The following ITGA1 variants were observed in gnomAD, a reference collection of about 807,000 sequenced individuals.
The protein encoded by ITGA1 is integrin subunit alpha 1, also known as integrin alpha-1.
In ITGA1, 85 loss-of-function variants were observed where a neutral mutation model predicts 145.9. The observed-to-expected ratio is 0.58, with a 90% CI of 0.49 to 0.70. The LOEUF is 0.70. Ranked by LOEUF, ITGA1 falls within the 30% of genes least tolerant of loss-of-function variation. The pLI is 0.00. For missense variants in ITGA1, 1,351 were observed against 1,418.7 expected, an observed-to-expected ratio of 0.95 and a Z score of 0.77; for synonymous variants, 520 against 495.3, an observed-to-expected ratio of 1.05 and a Z score of -0.66.
chr5:52,865,045 C>T lies in ITGA1; in HGVS notation c.459C>T (p.Pro153=), dbSNP rs1319325109. ...YTTGICSDVS[P]TFQVVNSIAP... ...CTGGAATCTGTTCTGACGTCAGCCC[C>T]ACATTTCAAGTCGTGAATTCCATTG... Residue 153 remains proline, a synonymous_variant, in exon 5 of 29, where the codon CCC becomes CCT. Transcript: ENST00000282588. The T allele has an allele frequency of 6.2e-7, 1 of 1,613,798 alleles. No individual in the cohort carries two copies. The highest frequency in any genetic ancestry group is 1.1e-5 in the South Asian group (1 of 91,060).
chr5:52,912,681 AGT>A (rs1388684758), intron 14 of ITGA1, among the ~76,000 whole-genome samples: 1 of 145,192 alleles, frequency 6.9e-6, no homozygotes, highest in Non-Finnish European at 1.5e-5. Flanking sequence ...AACTATATAT[AGT>A]GTGTGTATAT....
intron 7 of ITGA1, among the ~76,000 whole-genome samples, chr5:52,886,822 A>G (rs1271587357): frequency 3.3e-5 from 5 of 152,178 alleles, no homozygotes; most frequent in Admixed American, 6.5e-5. Flanking sequence ...TCTGTCGCCC[A>G]GGCTGGAATG....
At chr5:52,839,284 A>ATC (rs1491552940) in intron 1 of ITGA1, among the ~76,000 whole-genome samples, 1 of 152,212 alleles carries the variant, frequency 6.6e-6, no homozygotes, top group Non-Finnish European at 1.5e-5. Context: ...AATTTCAATA[A>ATC]TCTAAATAAA....
intron 1 of ITGA1, among the ~76,000 whole-genome samples, chr5:52,820,453 C>T (rs1561218068): frequency 6.7e-6 from 1 of 148,712 alleles, no homozygotes; most frequent in Non-Finnish European, 1.5e-5. Context: ...AGCACACCAA[C>T]ATGGCACATG....
intron 13 of ITGA1, among the ~76,000 whole-genome samples, chr5:52,909,737 T>G (rs554222016): frequency 6.6e-6 from 1 of 152,118 alleles, no homozygotes; most frequent in African/African-American, 2.4e-5. Context: ...AAGTGTATTC[T>G]TGATTACCTT....
At chr5:52,943,622 G>A (rs1414271158) in intron 26 of ITGA1, among the ~76,000 whole-genome samples, 4 of 152,070 alleles carry the variant, frequency 2.6e-5, no homozygotes, top group African/African-American at 9.7e-5. Context: ...AGGTGTTCTG[G>A]GCCACAGGCT....
At chr5:52,886,503 T>C (rs1193018182) in intron 7 of ITGA1, among the ~76,000 whole-genome samples, 3 of 152,178 alleles carry the variant, frequency 2.0e-5, no homozygotes, top group African/African-American at 7.2e-5. Context: ...CAACCAAATA[T>C]CTAAATGGAC....
Position 52,939,933 on chromosome 5 carries a change from AC to A in ITGA1, c.3275del (p.Thr1092IlefsTer3). 1 of 1,575,232 alleles carries A rather than the reference AC, an allele frequency of 6.3e-7. No individual in the cohort carries two copies. The highest frequency in any genetic ancestry group is 8.7e-7 in the Non-Finnish European group (1 of 1,144,692). Reference sequence around the variant, plus strand: ...TGTTTCGCTTATCTTGTGGAAACCAACTTTTATAAAAGTAAGTAAATACATA... The same window carrying A: ...TGTTTCGCTTATCTTGTGGAAACCAATTTTATAAAAGTAAGTAAATACATA... ...VNVSLILWKP[T>X]FIKSYFSSLN... On this transcript the variant is annotated frameshift_variant, in exon 26 of 29. Transcript: ENST00000282588. LOFTEE classifies it high-confidence loss of function.
At chr5:52,951,402 A>C (rs1751216782) in intron 28 of ITGA1, among the ~76,000 whole-genome samples, 1 of 152,038 alleles carries the variant, frequency 6.6e-6, no homozygotes, top group South Asian at 2.1e-4. Context: ...CCCCATACTT[A>C]GTTTTGTTAT....
rs1368902409 is a variant in ITGA1, at chr5:52,954,356, A to G, written c.*1905A>G. On this transcript the variant is annotated 3_prime_UTR_variant, in exon 29 of 29. Coordinates refer to ENST00000282588, the MANE Select transcript of ITGA1 (RefSeq NM_181501.2). The stretch of plus-strand genomic sequence containing the variant: ...AAAGCTAACGGATCCATTGAAATTC[A>G]TACTCAGCATCTGTGACTACTAGAC... 6.6e-6 allele frequency: 1 copy of G among 152,162 alleles called. No individual in the cohort carries two copies. 9.4% of individuals were successfully genotyped at this position (152,162 alleles called of 1,614,324 possible). A position where few individuals can be genotyped will look rare whatever the true frequency, so the allele number is the denominator to read the frequency against.
intron 7 of ITGA1, among the ~76,000 whole-genome samples, chr5:52,886,739 A>G (rs958453969): frequency 6.6e-6 from 1 of 152,126 alleles, no homozygotes; most frequent in African/African-American, 2.4e-5. Context: ...GTTTCTTTCC[A>G]TAAGTGCTGT....
At chr5:52,912,936 C>G (rs566292533) in intron 14 of ITGA1, among the ~76,000 whole-genome samples, 2 of 151,844 alleles carry the variant, frequency 1.3e-5, no homozygotes, top group African/African-American at 4.8e-5. Flanking sequence ...TTAGTAGAGA[C>G]GGGGTTTCAC....
intron 1 of ITGA1, among the ~76,000 whole-genome samples, chr5:52,789,145 T>C (rs1384725891): frequency 6.6e-6 from 1 of 152,190 alleles, no homozygotes; most frequent in Non-Finnish European, 1.5e-5. Flanking sequence ...TAGAAAAAGC[T>C]TGAAATATAG....
chr5:52,835,734 T>C (rs944670281), intron 1 of ITGA1, among the ~76,000 whole-genome samples: 6 of 152,212 alleles, frequency 3.9e-5, no homozygotes, highest in African/African-American at 1.4e-4. Context: ...CAAGGTGTTC[T>C]TTTTGTTGTT....
At chr5:52,901,628 T>C (rs1750315190) in intron 11 of ITGA1, among the ~76,000 whole-genome samples, 1 of 152,178 alleles carries the variant, frequency 6.6e-6, no homozygotes, top group Admixed American at 6.5e-5. Context: ...TATATGTGAT[T>C]AAATTCCTTT....
chr5:52,810,097 A>G (rs867084574), intron 1 of ITGA1, among the ~76,000 whole-genome samples: 1 of 152,232 alleles, frequency 6.6e-6, no homozygotes, highest in Non-Finnish European at 1.5e-5. Context: ...CAGAAAAGGA[A>G]GCTTAGCTTC....
intron 17 of ITGA1, among the ~76,000 whole-genome samples, chr5:52,920,842 G>GTAAGTGAT (rs1750719840): frequency 6.6e-6 from 1 of 152,140 alleles, no homozygotes. Context: ...GTTGTGGTTG[G>GTAAGTGAT]TAAGTGATTA....
intron 8 of ITGA1, among the ~76,000 whole-genome samples, chr5:52,890,308 G>C (rs13172757): frequency 6.6e-6 from 1 of 151,952 alleles, no homozygotes; most frequent in African/African-American, 2.4e-5. Flanking sequence ...TTTAAAAAGA[G>C]TGTAATGCTG....
chr5:52,843,997 G>A (rs192697433), intron 1 of ITGA1, among the ~76,000 whole-genome samples: 25 of 152,292 alleles, frequency 1.6e-4, no homozygotes, highest in African/African-American at 6.0e-4. Context: ...CTGCAGAGCT[G>A]TAGGTTGCTT....
Sources: allele counts gnomAD v4.1 joint callset (sites outside exome capture counted in the v4.1 genomes callset), GRCh38; gene constraint gnomAD v4.1.1; transcripts MANE v1.5; gene names NCBI Gene and HGNC (gene_info 2026-07-23, HGNC 2026-07-21).